GALNTL6: variants seen among roughly 807,000 people sequenced by gnomAD.
GALNTL6 encodes polypeptide N-acetylgalactosaminyltransferase-like 6.
In GALNTL6, 46 loss-of-function variants were observed where a neutral mutation model predicts 73.7. That is an observed-to-expected ratio of 0.62 (90% confidence interval 0.49 to 0.80). The LOEUF (loss-of-function observed/expected upper bound fraction) is 0.80. Among genes scored for constraint, GALNTL6 ranks in the 30% least tolerant of loss-of-function variants. The pLI is 0.00. For synonymous variants in GALNTL6, 259 were observed against 263.7 expected (o/e 0.98, Z 0.17); for missense variants, 604 against 755.0 (o/e 0.80, Z 2.34).
At position 172,310,086 on chromosome 4, in the gene GALNTL6, G is replaced by A. The variant is rs546482892; in HGVS notation, c.248-1528G>A. ...ATACAGAAAAATAAACATGTTATCA[G>A]TTGGAAAAAGAATACAGTAAGAAAT... On this transcript the variant is annotated intron_variant, in intron 3 of 12. Transcript: ENST00000506823. 2.6e-5 allele frequency among the ~76,000 whole-genome samples: 4 copies of A among 152,224 alleles called. No homozygotes were observed. The South Asian group carries it at 8.3e-4, about 32-fold the overall frequency.
intron 2 of GALNTL6, among the ~76,000 whole-genome samples, chr4:171,924,572 T>G (rs1188129071): frequency 6.6e-6 from 1 of 152,186 alleles, no homozygotes; most frequent in Admixed American, 6.5e-5. Context: ...TATCTGCCCT[T>G]TTCTTTTTGA....
At chr4:172,951,081 T>C (rs1372149732) in intron 9 of GALNTL6, among the ~76,000 whole-genome samples, 1 of 152,208 alleles carries the variant, frequency 6.6e-6, no homozygotes, top group African/African-American at 2.4e-5. Flanking sequence ...TCCATTAATG[T>C]GTGGCCAGCC....
intron 5 of GALNTL6, chr4:172,380,392 G>T: frequency 1.5e-6 from 1 of 652,770 alleles, no homozygotes; most frequent in Non-Finnish European, 2.9e-6. Context: ...GAAAATAATG[G>T]ATGTTGCTCT....
intron 2 of GALNTL6, among the ~76,000 whole-genome samples, chr4:171,898,094 A>C (rs1191256156): frequency 6.6e-6 from 1 of 152,116 alleles, no homozygotes; most frequent in African/African-American, 2.4e-5. Context: ...TTGACAAAAG[A>C]TATATGAAAG....
At chr4:172,500,684 T>G (rs1010215742) in intron 5 of GALNTL6, among the ~76,000 whole-genome samples, 4 of 152,170 alleles carry the variant, frequency 2.6e-5, no homozygotes, top group African/African-American at 7.2e-5. Context: ...AGTTTTTTTT[T>G]TTGTTTTTTG....
intron 5 of GALNTL6, among the ~76,000 whole-genome samples, chr4:172,434,402 A>G (rs1226582983): frequency 6.6e-6 from 1 of 152,118 alleles, no homozygotes; most frequent in African/African-American, 2.4e-5. Context: ...TGAGTACTGT[A>G]TATTTATGCT....
chr4:171,907,249 T>C (rs543886057), intron 2 of GALNTL6, among the ~76,000 whole-genome samples: 49 of 152,224 alleles, frequency 3.2e-4, no homozygotes, highest in African/African-American at 1.1e-3. Flanking sequence ...GAAAACCCCA[T>C]TGTCTCAGCC....
chr4:173,002,152 G>A (rs950854141), intron 10 of GALNTL6, among the ~76,000 whole-genome samples: 10 of 152,208 alleles, frequency 6.6e-5, no homozygotes, highest in African/African-American at 2.2e-4. Context: ...AGCACTTTGG[G>A]AGGCAGAGGT....
intron 7 of GALNTL6, among the ~76,000 whole-genome samples, chr4:172,865,431 T>C (rs949006356): frequency 1.3e-5 from 2 of 152,214 alleles, no homozygotes; most frequent in Admixed American, 6.5e-5. Flanking sequence ...ATGACTTTTG[T>C]GGAAATTTTG....
chr4:171,850,412 A>C (rs1735491287), intron 2 of GALNTL6, among the ~76,000 whole-genome samples: 1 of 152,140 alleles, frequency 6.6e-6, no homozygotes, highest in South Asian at 2.1e-4. Flanking sequence ...TATTCAATCA[A>C]AGCTGTTGTT....
At chr4:172,249,956 A>G (rs1344400005) in intron 3 of GALNTL6, among the ~76,000 whole-genome samples, 1 of 152,132 alleles carries the variant, frequency 6.6e-6, no homozygotes, top group Non-Finnish European at 1.5e-5. Context: ...GGCACTGCCT[A>G]GTGGAGCTGT....
At chr4:172,059,052 C>G (rs1256298453) in intron 2 of GALNTL6, among the ~76,000 whole-genome samples, 1 of 152,128 alleles carries the variant, frequency 6.6e-6, no homozygotes, top group Non-Finnish European at 1.5e-5. Context: ...AATCAATAAA[C>G]TAAAGTCTTG....
At chr4:172,770,278 A>AATAC (rs1209949894) in intron 5 of GALNTL6, among the ~76,000 whole-genome samples, 1 of 150,656 alleles carries the variant, frequency 6.6e-6, no homozygotes, top group Non-Finnish European at 1.5e-5. Flanking sequence ...TAAATAAATA[A>AATAC]ATAAATAAAT....
chr4:172,238,289 G>A (rs985507276), intron 3 of GALNTL6, among the ~76,000 whole-genome samples: 3 of 152,038 alleles, frequency 2.0e-5, no homozygotes, highest in Non-Finnish European at 2.9e-5. Context: ...GCAATGTTTT[G>A]TAATCCTCAT....
At chr4:171,821,887 A>C (rs1055926076) in intron 2 of GALNTL6, among the ~76,000 whole-genome samples, 2 of 152,136 alleles carry the variant, frequency 1.3e-5, no homozygotes, top group Non-Finnish European at 2.9e-5. Flanking sequence ...TTTGGATTTC[A>C]TACTTAAGGA....
intron 7 of GALNTL6, among the ~76,000 whole-genome samples, chr4:172,842,724 G>A (rs1337754903): frequency 1.3e-5 from 2 of 151,622 alleles, no homozygotes; most frequent in African/African-American, 2.4e-5. Flanking sequence ...AGGGGAAGGA[G>A]GGAGAGTAAG....
chr4:172,311,495 T>C, intron 3 of GALNTL6, 119 bp from the exon 4 acceptor site: 1 of 646,964 alleles, frequency 1.5e-6, no homozygotes, highest in East Asian at 3.1e-5. Context: ...ATCTTAGTAC[T>C]AGCTCCTTCT....
intron 5 of GALNTL6, among the ~76,000 whole-genome samples, chr4:172,642,289 C>A (rs913447438): frequency 6.6e-6 from 1 of 151,968 alleles, no homozygotes; most frequent in Admixed American, 6.6e-5. Flanking sequence ...ATATTCGTTG[C>A]AGCATTATTC....
chr4:172,601,777 TC>T, intron 5 of GALNTL6, among the ~76,000 whole-genome samples: 2 of 147,832 alleles, frequency 1.4e-5, no homozygotes, highest in South Asian at 4.3e-4. Context: ...GCTTATAGAG[TC>T]CCAGAAAAGG....
Sources: gnomAD v4.1 joint callset for allele counts (sites outside exome capture counted in the v4.1 genomes callset) on GRCh38, gnomAD v4.1.1 for gene constraint, MANE v1.5 for transcripts, NCBI Gene and HGNC (gene_info 2026-07-23, HGNC 2026-07-21) for gene names.